Variants in ZNF608 observed in about 807,000 individuals in gnomAD.
The protein encoded by ZNF608 is zinc finger protein 608, also known as renal carcinoma antigen NY-REN-36.
In ZNF608, 12 loss-of-function variants were observed where a neutral mutation model predicts 109.0. The ratio of observed to expected loss-of-function variants is 0.11; its 90% CI spans 0.07 to 0.18. ZNF608 has a LOEUF of 0.18. Among genes scored for constraint, ZNF608 ranks in the 10% least tolerant of loss-of-function variants. The probability of loss-of-function intolerance (pLI) is 1.00; values close to 1 mark genes in which losing one functional copy is unlikely to be tolerated. For synonymous variants in ZNF608, 732 were observed against 717.4 expected, an observed-to-expected ratio of 1.02 and a Z score of -0.33; for missense variants, 1,707 against 1,879.3, an observed-to-expected ratio of 0.91 and a Z score of 1.70.
intron 3 of ZNF608, among the ~76,000 whole-genome samples, chr5:124,657,803 C>T (rs1751080111): frequency 1.3e-5 from 2 of 152,166 alleles, no homozygotes; most frequent in Admixed American, 1.3e-4. Context: ...GTCCTAGTTA[C>T]AAAATGTCTT....
chr5:124,647,561 G>A lies in ZNF608; in HGVS notation c.2823C>T (p.Asp941=). 3 of 1,614,206 alleles carry A rather than the reference G, an allele frequency of 1.9e-6. No homozygotes were observed. Among genetic ancestry groups the A allele is most frequent in the African/African-American group, 1.3e-5 (1 of 75,042 alleles). The change falls in exon 5 of 10, where the codon GAC becomes GAT. Residue 941 remains aspartate, a synonymous_variant. Transcript: ENST00000513986. The part of the protein sequence containing the change: ...AAKTSSPAYS[D]ISDAADDGGS... ...CACCATCGTCAGCAGCATCAGATAT[G>A]TCTGAATAGGCCGGGCTGCTTGTCT...
intron 2 of ZNF608, among the ~76,000 whole-genome samples, chr5:124,731,316 T>C (rs1748886846): frequency 6.6e-6 from 1 of 152,116 alleles, no homozygotes; most frequent in Non-Finnish European, 1.5e-5. Flanking sequence ...GTTCAAGCGA[T>C]TCTCCTGTTG....
chr5:124,648,096 C>T lies in ZNF608; in HGVS notation c.2288G>A (p.Gly763Glu). Reference sequence around the variant, plus strand: ...GAGGGAGGGCAGTCCGGGTATTGTCCCAGTGGTGGTCGTTGTAAAGGTTGC... The same window carrying T: ...GAGGGAGGGCAGTCCGGGTATTGTCTCAGTGGTGGTCGTTGTAAAGGTTGC... ...PTATFTTTTT[G>E]TIPGLPSLTT... The change falls in exon 5 of 10, where the codon GGG (glycine) becomes GAG (glutamate). Residue 763 changes from glycine to glutamate, a missense_variant. Coordinates refer to ENST00000513986, the MANE Select transcript of ZNF608 (RefSeq NM_020747.3). 6.2e-7 allele frequency: 1 copy of T among 1,613,980 alleles called. No homozygotes were observed.
intron 2 of ZNF608, among the ~76,000 whole-genome samples, chr5:124,711,129 C>T (rs965282477): frequency 9.2e-5 from 14 of 152,206 alleles, no homozygotes; most frequent in Admixed American, 3.3e-4. Flanking sequence ...AGTTTCTTCT[C>T]ACAGAGGCCT....
chr5:124,645,492 A>ATG (rs1008297898), intron 5 of ZNF608, among the ~76,000 whole-genome samples: 3 of 151,240 alleles, frequency 2.0e-5, no homozygotes, highest in South Asian at 2.1e-4. Flanking sequence ...GCCTAAGTAA[A>ATG]TGTGTGTGTG....
At chr5:124,734,773 C>T (rs939426911) in intron 2 of ZNF608, 1 of 152,142 alleles carries the variant, frequency 6.6e-6, no homozygotes, top group Non-Finnish European at 1.5e-5. Context: ...GAACAAAAGT[C>T]TTTGTGTTTT....
chr5:124,697,288 T>G (rs1752888789), intron 3 of ZNF608, among the ~76,000 whole-genome samples: 1 of 148,954 alleles, frequency 6.7e-6, no homozygotes, highest in Non-Finnish European at 1.5e-5. Flanking sequence ...AACACATTCA[T>G]AAAGGCTAAA....
chr5:124,680,473 C>G (rs1224317905), intron 3 of ZNF608, among the ~76,000 whole-genome samples: 1 of 152,068 alleles, frequency 6.6e-6, no homozygotes, highest in Non-Finnish European at 1.5e-5. Context: ...ATCAGTGAAG[C>G]CTTTTCGGGG....
chr5:124,688,258 C>T (rs1456473107), intron 3 of ZNF608, among the ~76,000 whole-genome samples: 2 of 152,030 alleles, frequency 1.3e-5, no homozygotes, highest in Admixed American at 1.3e-4. Context: ...AAGTCCCAAC[C>T]TTTCTGTCAT....
intron 2 of ZNF608, among the ~76,000 whole-genome samples, chr5:124,702,432 T>TCATAGATCCCCAGTTATC (rs11274163): frequency 6.6e-6 from 1 of 151,844 alleles, no homozygotes; most frequent in African/African-American, 2.4e-5. Flanking sequence ...ATTCTGCTGT[T>TCATAGATCCCCAGTTATC]CACTGTAAGT....
chr5:124,683,254 G>A (rs1752270705), intron 3 of ZNF608, among the ~76,000 whole-genome samples: 2 of 152,182 alleles, frequency 1.3e-5, no homozygotes, highest in Admixed American at 6.5e-5. Context: ...AACCTTCTGA[G>A]ACAACCTGAG....
intron 7 of ZNF608, among the ~76,000 whole-genome samples, chr5:124,643,167 C>T (rs990228069): frequency 1.3e-5 from 2 of 152,124 alleles, no homozygotes; most frequent in South Asian, 4.2e-4. Context: ...AAAATATACT[C>T]CTCTGTTACC....
intron 2 of ZNF608, among the ~76,000 whole-genome samples, chr5:124,713,026 C>A (rs1753560839): frequency 6.6e-6 from 1 of 152,118 alleles, no homozygotes; most frequent in Admixed American, 6.5e-5. Context: ...AATGGGGATC[C>A]TAAATAAGCT....
At chr5:124,671,384 C>T (rs1751707646) in intron 3 of ZNF608, among the ~76,000 whole-genome samples, 1 of 152,140 alleles carries the variant, frequency 6.6e-6, no homozygotes, top group Admixed American at 6.5e-5. Flanking sequence ...TTAAATAACT[C>T]ACCATATCCG....
intron 3 of ZNF608, among the ~76,000 whole-genome samples, chr5:124,678,959 T>C (rs533441037): frequency 6.6e-6 from 1 of 152,314 alleles, no homozygotes; most frequent in Non-Finnish European, 1.5e-5. Flanking sequence ...CCTTTCTTAT[T>C]GCCGTGCAGC....
chr5:124,644,369 G>A lies in ZNF608; in HGVS notation c.3998C>T (p.Ser1333Phe). Residue 1333 changes from serine (S) to phenylalanine (F), a missense_variant, in exon 6 of 10, where the codon TCC becomes TTC. By Grantham distance (155) the Ser-to-Phe change is radical. Coordinates refer to ENST00000513986, the MANE Select transcript of ZNF608 (RefSeq NM_020747.3). The stretch of plus-strand genomic sequence containing the variant: ...TGACTGATGCTGACTCATGGGTGAG[G>A]AGACAGCCACTCTTGTTCCCCGAGA... ...KDSRGTRVAV[S>F]SPMSQHQSYI... The A allele has an allele frequency of 6.2e-7, 1 of 1,614,128 alleles. No individual in the cohort carries two copies. Among genetic ancestry groups the A allele is most frequent in the Non-Finnish European group, 8.5e-7 (1 of 1,180,016 alleles).
intron 2 of ZNF608, among the ~76,000 whole-genome samples, chr5:124,742,930 C>T (rs1279180526): frequency 2.0e-5 from 3 of 152,208 alleles, no homozygotes; most frequent in African/African-American, 7.2e-5. Flanking sequence ...CCACAACCCA[C>T]ATGACAGAAA....
Position 124,643,589 on chromosome 5 carries a change from G to A in ZNF608, c.4218C>T (p.Asn1406=), listed in dbSNP as rs1442978932. ...CTTTAGATTCAGTGGTTGTTTTCGT[G>A]TTGACGCTAGGGCTGGTATTGACTT... ...TEKVNTSPSV[N]TKTTTESKAL... Residue 1406 remains asparagine, a synonymous_variant, in exon 7 of 10, where the codon AAC becomes AAT. Transcript: ENST00000513986. The A allele has an allele frequency of 1.2e-6, 2 of 1,614,080 alleles. No individual in the cohort carries two copies. Among genetic ancestry groups the A allele is most frequent in the African/African-American group, 2.7e-5 (2 of 74,944 alleles).
At position 124,663,954 on chromosome 5, in the gene ZNF608, C is replaced by T. The variant is rs753020292; in HGVS notation, c.1163-14257G>A. The stretch of plus-strand genomic sequence containing the variant: ...AAGGAAACCTAAAATTTGCAATTAA[C>T]CTTTTCCCTTTAAATTGTAGTCCTG... On this transcript the variant is annotated intron_variant, in intron 3 of 9. Transcript: ENST00000513986. 1.1e-4 allele frequency among the ~76,000 whole-genome samples: 17 copies of T among 152,262 alleles called. No homozygotes were observed. The South Asian group carries it at 3.3e-3, about 30-fold the overall frequency.
Sources: gnomAD v4.1 joint callset for allele counts (sites outside exome capture counted in the v4.1 genomes callset) on GRCh38, gnomAD v4.1.1 for gene constraint, MANE v1.5 for transcripts, NCBI Gene and HGNC (gene_info 2026-07-23, HGNC 2026-07-21) for gene names.